The following ITSN1 variants were observed in gnomAD, a reference collection of about 807,000 sequenced individuals.
ITSN1 encodes the protein intersectin-1.
In ITSN1, 58 loss-of-function variants were observed where a neutral mutation model predicts 239.8. That is an observed-to-expected ratio of 0.24 (90% CI 0.20 to 0.30). The LOEUF (loss-of-function observed/expected upper bound fraction) is 0.30, where lower values mean the gene tolerates loss of function less well. ITSN1 is among the 10% of genes least tolerant of loss of function. ITSN1 has a pLI of 1.00. For missense variants in ITSN1, 1,558 were observed against 2,103.3 expected (o/e 0.74, Z 5.07); for synonymous variants, 780 against 770.8 (o/e 1.01, Z -0.20).
chr21:33,849,985 G>A (rs1210462855), intron 29 of ITSN1, among the ~76,000 whole-genome samples: 1 of 152,182 alleles, frequency 6.6e-6, no homozygotes, highest in African/African-American at 2.4e-5. Context: ...CATAGAAGGG[G>A]CCTGGAATGA....
intron 4 of ITSN1, among the ~76,000 whole-genome samples, chr21:33,734,699 G>A (rs1410062008): frequency 6.6e-6 from 1 of 152,072 alleles, no homozygotes; most frequent in Non-Finnish European, 1.5e-5. Flanking sequence ...TAATTCATTG[G>A]TTTTAGTTTA....
At position 33,719,687 on chromosome 21, in the gene ITSN1, G is replaced by A. The variant is rs114052229; in HGVS notation, c.28+831G>A. Among the ~76,000 whole-genome samples the A allele has an allele frequency of 2.5e-3, 378 of 152,256 alleles. 1 individual carries two copies. Among genetic ancestry groups the A allele is most frequent in the African/African-American group, 8.0e-3 (331 of 41,544 alleles). The stretch of plus-strand genomic sequence containing the variant: ...TTTTATCAGCAAGTTATTTGTTGAA[G>A]TGATGGGGTCATTTACACTTTTTCA... On this transcript the variant is annotated intron_variant, in intron 2 of 39. Coordinates refer to ENST00000381318, the MANE Select transcript of ITSN1 (RefSeq NM_003024.3).
At chr21:33,868,076 G>A (rs930639213) in intron 33 of ITSN1, among the ~76,000 whole-genome samples, 1 of 152,236 alleles carries the variant, frequency 6.6e-6, no homozygotes, top group African/African-American at 2.4e-5. Context: ...CGAGCCGGTT[G>A]CCACTGCTGG....
intron 11 of ITSN1, among the ~76,000 whole-genome samples, chr21:33,768,730 A>C (rs929733354): frequency 1.3e-5 from 2 of 152,240 alleles, no homozygotes; most frequent in African/African-American, 2.4e-5. Flanking sequence ...ATACTTTGTC[A>C]GTGTCATTTT....
chr21:33,688,193 G>T (rs1284101613), intron 1 of ITSN1, among the ~76,000 whole-genome samples: 1 of 151,926 alleles, frequency 6.6e-6, no homozygotes, highest in African/African-American at 2.4e-5. Flanking sequence ...AACTTACATG[G>T]CTAATATAAT....
chr21:33,765,345 A>C (rs2068642805), intron 9 of ITSN1, among the ~76,000 whole-genome samples: 1 of 152,218 alleles, frequency 6.6e-6, no homozygotes. Flanking sequence ...AAATATTTTA[A>C]AAATTAGCTA....
At chr21:33,692,083 G>A (rs867904639) in intron 1 of ITSN1, among the ~76,000 whole-genome samples, 2 of 152,200 alleles carry the variant, frequency 1.3e-5, no homozygotes, top group South Asian at 4.1e-4. Context: ...GACTTAGCAG[G>A]ATTGTTTGTA....
intron 34 of ITSN1, among the ~76,000 whole-genome samples, chr21:33,881,437 A>G (rs1984899603): frequency 6.7e-6 from 1 of 149,216 alleles, no homozygotes; most frequent in Non-Finnish European, 1.5e-5. Context: ...AATTAACACC[A>G]CTGATTTGTG....
rs372220793 is a variant in ITSN1, at chr21:33,692,241, A to G, written c.-32-26556A>G. Among the ~76,000 whole-genome samples, 4 of 152,228 alleles carry G rather than the reference A, an allele frequency of 2.6e-5. No homozygotes were observed. In the East Asian group the frequency reaches 7.7e-4, roughly 29 times the overall value. On this transcript the variant is annotated intron_variant, in intron 1 of 39. Coordinates refer to ENST00000381318, the MANE Select transcript of ITSN1 (RefSeq NM_003024.3). The stretch of plus-strand genomic sequence containing the variant: ...TAACTTAGGTGCTAATTATACTAGC[A>G]TTTTATAGACAAAGAATCTGAAGCT...
At chr21:33,792,365 C>G (rs534749659) in intron 16 of ITSN1, among the ~76,000 whole-genome samples, 1 of 152,048 alleles carries the variant, frequency 6.6e-6, no homozygotes, top group South Asian at 2.1e-4. Context: ...CCACCATGCC[C>G]GGCTAATTTT....
intron 14 of ITSN1, among the ~76,000 whole-genome samples, chr21:33,778,576 T>TGTATGTAAGTCTGTAGTATCTG (rs1569160574): frequency 1.7e-5 from 2 of 114,524 alleles, no homozygotes; most frequent in African/African-American, 8.0e-5. Context: ...ATTCTCTTTT[T>TGTATGTAAGTCTGTAGTATCTG]TTTTTTTTTT....
intron 29 of ITSN1, among the ~76,000 whole-genome samples, chr21:33,850,982 G>A (rs1978294489): frequency 1.3e-5 from 2 of 152,284 alleles, no homozygotes; most frequent in Non-Finnish European, 2.9e-5. Context: ...CGGGGCCATT[G>A]AGCCAGAGGA....
At chr21:33,861,683 A>G (rs1204143748) in intron 31 of ITSN1, among the ~76,000 whole-genome samples, 1 of 152,190 alleles carries the variant, frequency 6.6e-6, no homozygotes, top group Non-Finnish European at 1.5e-5. Flanking sequence ...GCGGTGGCTC[A>G]TGCCTGTTAT....
At chr21:33,743,547 T>G (rs979615446) in intron 5 of ITSN1, among the ~76,000 whole-genome samples, 1 of 152,142 alleles carries the variant, frequency 6.6e-6, no homozygotes, top group African/African-American at 2.4e-5. Flanking sequence ...GAAGATTGAA[T>G]GTATGGGCAG....
intron 1 of ITSN1, among the ~76,000 whole-genome samples, chr21:33,703,142 GTATATATATAAAGAAAGAA>G (rs1160440373): frequency 6.7e-6 from 1 of 149,406 alleles, no homozygotes; most frequent in African/African-American, 2.5e-5. Flanking sequence ...TATATAAATT[GTATATATATAAAGAAAGAA>G]TATATATATA....
intron 1 of ITSN1, among the ~76,000 whole-genome samples, chr21:33,711,652 T>TTGTG (rs58696981): frequency 0.036 from 4,799 of 134,810 alleles, 94 homozygotes; most frequent in Non-Finnish European, 0.043. Flanking sequence ...TTTCTGTGTG[T>TTGTG]TGTGTGTGTG....
intron 20 of ITSN1, among the ~76,000 whole-genome samples, chr21:33,805,694 C>T (rs8133324): frequency 0.027 from 4,131 of 151,810 alleles, 134 homozygotes; most frequent in African/African-American, 0.079. Flanking sequence ...GTTTTTGAGA[C>T]GGAGTCTCTC....
chr21:33,755,097 A>G (rs926034446), intron 7 of ITSN1, among the ~76,000 whole-genome samples, 200 bp from the exon 8 acceptor site: 6 of 152,174 alleles, frequency 3.9e-5, no homozygotes, highest in Admixed American at 1.3e-4. Flanking sequence ...ATAATTATCT[A>G]TTTGAGGGAA....
chr21:33,765,581 C>T (rs2068663145), intron 9 of ITSN1, among the ~76,000 whole-genome samples: 1 of 152,082 alleles, frequency 6.6e-6, no homozygotes, highest in Non-Finnish European at 1.5e-5. Flanking sequence ...ACAGTGAGAG[C>T]TCATCTGTTA....
Sources: allele counts gnomAD v4.1 joint callset (sites outside exome capture counted in the v4.1 genomes callset), GRCh38; gene constraint gnomAD v4.1.1; transcripts MANE v1.5; gene names NCBI Gene and HGNC (gene_info 2026-07-23, HGNC 2026-07-21).